NKAIN2: variants seen among roughly 807,000 people sequenced by gnomAD.
NKAIN2 encodes sodium/potassium-transporting ATPase subunit beta-1-interacting protein 2.
Under a neutral mutation model 32.6 loss-of-function variants are expected in NKAIN2, and 14 were observed. That is an observed-to-expected ratio of 0.43 (90% CI 0.28 to 0.67). The LOEUF (loss-of-function observed/expected upper bound fraction) is 0.67, where lower values mean the gene tolerates loss of function less well. Among genes scored for constraint, NKAIN2 ranks in the 30% least tolerant of loss-of-function variants. The pLI is 0.17. For missense variants in NKAIN2, 198 were observed against 258.3 expected (o/e 0.77, Z 1.60); for synonymous variants, 80 against 87.2 (o/e 0.92, Z 0.46).
intron 3 of NKAIN2, among the ~76,000 whole-genome samples, chr6:124,423,646 G>A (rs987615101): frequency 2.0e-5 from 3 of 152,168 alleles, no homozygotes; most frequent in African/African-American, 7.2e-5. Context: ...TCATGAGGGG[G>A]CAGAGCCCTC....
chr6:124,489,119 T>C (rs1175108408), intron 3 of NKAIN2, among the ~76,000 whole-genome samples: 1 of 151,986 alleles, frequency 6.6e-6, no homozygotes, highest in Non-Finnish European at 1.5e-5. Context: ...CGGAGCTTGA[T>C]AAATATTTGT....
chr6:124,643,393 GTCTA>G (rs1221645521), intron 3 of NKAIN2, among the ~76,000 whole-genome samples: 1 of 152,066 alleles, frequency 6.6e-6, no homozygotes, highest in East Asian at 1.9e-4. Flanking sequence ...CTGGCTGTGG[GTCTA>G]TCTAAGCCTG....
At chr6:124,408,008 C>G (rs1440982067) in intron 3 of NKAIN2, among the ~76,000 whole-genome samples, 1 of 152,038 alleles carries the variant, frequency 6.6e-6, no homozygotes, top group African/African-American at 2.4e-5. Context: ...TGAGAAGTGT[C>G]TGTTCATATT....
chr6:124,216,581 G>T (rs1980305), intron 1 of NKAIN2, among the ~76,000 whole-genome samples: 1 of 151,970 alleles, frequency 6.6e-6, no homozygotes. Context: ...TTACATTTTC[G>T]TTATAATTTC....
chr6:123,978,471 A>C (rs1778743321), intron 1 of NKAIN2, among the ~76,000 whole-genome samples: 1 of 152,202 alleles, frequency 6.6e-6, no homozygotes, highest in South Asian at 2.1e-4. Flanking sequence ...ATATAGTATC[A>C]GTGCAAATTC....
intron 3 of NKAIN2, among the ~76,000 whole-genome samples, chr6:124,381,527 G>A (rs187094627): frequency 1.3e-5 from 2 of 152,046 alleles, no homozygotes; most frequent in African/African-American, 4.8e-5. Context: ...TGAGGCCTGC[G>A]TGTTACAGCC....
intron 1 of NKAIN2, among the ~76,000 whole-genome samples, chr6:123,962,955 A>G (rs866416093): frequency 7.2e-5 from 11 of 152,192 alleles, no homozygotes; most frequent in African/African-American, 2.7e-4. Flanking sequence ...GGACCTCAGT[A>G]AGAACCTGAC....
chr6:124,502,078 CG>C (rs1778314395), intron 3 of NKAIN2, among the ~76,000 whole-genome samples: 1 of 151,826 alleles, frequency 6.6e-6, no homozygotes, highest in African/African-American at 2.4e-5. Flanking sequence ...CACTCTAGCC[CG>C]GGTGACAGAG....
chr6:124,288,143 G>A (rs536280995), intron 2 of NKAIN2, among the ~76,000 whole-genome samples: 14 of 152,226 alleles, frequency 9.2e-5, no homozygotes, highest in African/African-American at 3.4e-4. Context: ...TGATTCTCCT[G>A]TATATCTACC....
chr6:124,373,173 A>G (rs1170177810), intron 3 of NKAIN2, among the ~76,000 whole-genome samples: 2 of 152,134 alleles, frequency 1.3e-5, no homozygotes, highest in Non-Finnish European at 2.9e-5. Flanking sequence ...GATTACATCT[A>G]GTTATATTCT....
chr6:124,033,626 A>G (rs1246358465), intron 1 of NKAIN2, among the ~76,000 whole-genome samples: 1 of 152,082 alleles, frequency 6.6e-6, no homozygotes, highest in Non-Finnish European at 1.5e-5. Flanking sequence ...TTTCATTCTC[A>G]CTAAGCGAGC....
At chr6:124,344,147 T>C (rs1423575930) in intron 2 of NKAIN2, among the ~76,000 whole-genome samples, 1 of 152,256 alleles carries the variant, frequency 6.6e-6, no homozygotes, top group African/African-American at 2.4e-5. Context: ...GTTGTAGATA[T>C]GCAGCATTAT....
chr6:124,805,419 G>A (rs1257859143), intron 5 of NKAIN2, among the ~76,000 whole-genome samples: 5 of 152,142 alleles, frequency 3.3e-5, no homozygotes, highest in African/African-American at 7.2e-5. Context: ...CAACAGACCT[G>A]CAGCTGAGGG....
At chr6:124,450,321 G>T (rs1429031608) in intron 3 of NKAIN2, among the ~76,000 whole-genome samples, 1 of 151,908 alleles carries the variant, frequency 6.6e-6, no homozygotes, top group Non-Finnish European at 1.5e-5. Flanking sequence ...GAATGTATGT[G>T]TACATGTATC....
chr6:124,807,186 A>C (rs1780610694), intron 5 of NKAIN2, among the ~76,000 whole-genome samples: 1 of 152,012 alleles, frequency 6.6e-6, no homozygotes, highest in Admixed American at 6.6e-5. Context: ...CAGAATATAC[A>C]TTTTTTTCAG....
chr6:124,253,030 A>G (rs1307088731), intron 1 of NKAIN2, among the ~76,000 whole-genome samples: 1 of 152,182 alleles, frequency 6.6e-6, no homozygotes, highest in East Asian at 1.9e-4. Flanking sequence ...CAAAGAGAGG[A>G]AAAATACCAA....
intron 2 of NKAIN2, among the ~76,000 whole-genome samples, chr6:124,350,068 A>T (rs529422670): frequency 6.6e-6 from 1 of 152,328 alleles, no homozygotes; most frequent in South Asian, 2.1e-4. Context: ...GGCTAAAACA[A>T]AATTAGTTTT....
chr6:124,152,511 C>G (rs573416432), intron 1 of NKAIN2, among the ~76,000 whole-genome samples: 1 of 151,842 alleles, frequency 6.6e-6, no homozygotes, highest in African/African-American at 2.4e-5. Context: ...CAGAAAATAA[C>G]AAGTGTTGAT....
chr6:124,548,276 T>A (rs1780166808), intron 3 of NKAIN2, among the ~76,000 whole-genome samples: 1 of 152,246 alleles, frequency 6.6e-6, no homozygotes, highest in Non-Finnish European at 1.5e-5. Flanking sequence ...TTAGTATGTG[T>A]GGCTTCCTAA....
Sources: allele counts gnomAD v4.1 joint callset (sites outside exome capture counted in the v4.1 genomes callset), GRCh38; gene constraint gnomAD v4.1.1; transcripts MANE v1.5; gene names NCBI Gene and HGNC (gene_info 2026-07-23, HGNC 2026-07-21).